Variants in GATAD1 observed in about 807,000 individuals in gnomAD.
The protein encoded by GATAD1 is GATA zinc finger domain containing 1.
Under a neutral mutation model 26.5 loss-of-function variants are expected in GATAD1, and 12 were observed. That is an observed-to-expected ratio of 0.45 (90% CI 0.29 to 0.73). The LOEUF (loss-of-function observed/expected upper bound fraction) is 0.73, where lower values mean the gene tolerates loss of function less well. Ranked by LOEUF, GATAD1 falls within the 30% of genes least tolerant of loss-of-function variation. The pLI, the probability that GATAD1 is intolerant of heterozygous loss-of-function variation, is 0.10. For missense variants in GATAD1, 266 were observed against 342.1 expected (o/e 0.78, Z 1.75); for synonymous variants, 129 against 133.1 (o/e 0.97, Z 0.21).
At position 92,447,962 on chromosome 7, in the gene GATAD1, G is replaced by T. The variant is rs1263649599; in HGVS notation, c.233G>T (p.Gly78Val). The T allele has an allele frequency of 2.5e-6, 3 of 1,223,754 alleles. No homozygotes were observed. In the African/African-American group the frequency reaches 4.7e-5, roughly 19 times the overall value. The allele number at this position is 1,223,754 out of a possible 1,614,324, so 75.8% of individuals were successfully genotyped here. The change falls in exon 1 of 5, where the codon GGC (glycine) becomes GTC (valine). Residue 78 changes from glycine to valine, a missense_variant. By Grantham distance (109) the Gly-to-Val change is moderately radical. Coordinates refer to ENST00000287957, the MANE Select transcript of GATAD1 (RefSeq NM_021167.5). ...TSATPPQSNG[G>V]GGGKQSKQEI... ...GCCACCCCTCCGCAGAGCAACGGGG[G>T]CGGGGGCGGCAAGCAGGTGAGCTCC...
chr7:92,449,551 T>C (rs147047510), intron 2 of GATAD1: 123 of 972,892 alleles, frequency 1.3e-4, no homozygotes, highest in Non-Finnish European at 1.5e-4. Context: ...CAGTATGATA[T>C]TCTTTTCTTT....
chr7:92,460,695 G>A (rs575541357), downstream of GATAD1, among the ~76,000 whole-genome samples: 4 of 151,038 alleles, frequency 2.6e-5, no homozygotes, highest in South Asian at 8.4e-4. Context: ...TTAAGAGGCT[G>A]AGGTGGAGGA....
the GATAD1 span, chr7:92,493,030 C>T: frequency 8.7e-6 from 14 of 1,612,962 alleles, no homozygotes; most frequent in African/African-American, 1.7e-4. Flanking sequence ...AGATCAGCTC[C>T]AGTAAAGGAG....
chr7:92,454,086 G>A (rs1789558258), intron 3 of GATAD1: 1 of 223,660 alleles, frequency 4.5e-6, no homozygotes, highest in Admixed American at 6.1e-5. Context: ...TCTAGTGGTG[G>A]GAGGGGTTAT....
rs183734072 is a variant in GATAD1 at position 92,457,458 on chromosome 7, C to T, written c.*896C>T. 2.0e-5 allele frequency: 3 copies of T among 151,944 alleles called. No individual in the cohort carries two copies. The highest frequency in any genetic ancestry group is 1.3e-4 in the Admixed American group (2 of 15,248). 9.4% of individuals were successfully genotyped at this position (151,944 alleles called of 1,614,324 possible). A position where few individuals can be genotyped will look rare whatever the true frequency, so the allele number is the denominator to read the frequency against. On this transcript the variant is annotated 3_prime_UTR_variant, in exon 5 of 5. Transcript: ENST00000287957. Reference sequence around the variant, plus strand: ...CAGCCTGGGTGGACAGAGCAAGACTCCGTCTCAAAGAAACAAACAAAAAAT... The same window carrying T: ...CAGCCTGGGTGGACAGAGCAAGACTTCGTCTCAAAGAAACAAACAAAAAAT...
chr7:92,460,938 C>A (rs1259297170), downstream of GATAD1, among the ~76,000 whole-genome samples: 2 of 152,142 alleles, frequency 1.3e-5, no homozygotes, highest in Non-Finnish European at 2.9e-5. Context: ...AGCACACACA[C>A]ACACACACGT....
chr7:92,458,209 TTAA>T lies in GATAD1; in HGVS notation c.*1651_*1653del, dbSNP rs1202079475. 1 of 152,246 alleles carries T rather than the reference TTAA, an allele frequency of 6.6e-6. No homozygotes were observed. The allele number at this position is 152,246 out of a possible 1,614,324, so 9.4% of individuals were successfully genotyped here. On this transcript the variant is annotated 3_prime_UTR_variant, in exon 5 of 5. Coordinates refer to ENST00000287957, the MANE Select transcript of GATAD1 (RefSeq NM_021167.5). ...GGCATTCAGAACCATTCCATTGATC[TTAA>T]TAAAGCTGCTCTTTACTGTTTCTAG...
the GATAD1 span, among the ~76,000 whole-genome samples, chr7:92,492,731 T>A: frequency 7.2e-5 from 11 of 152,220 alleles, no homozygotes; most frequent in Non-Finnish European, 1.5e-4. Flanking sequence ...TTTTTGCCAA[T>A]ATTAAGGTAA....
chr7:92,481,828 GA>G, the GATAD1 span, among the ~76,000 whole-genome samples: 1 of 152,208 alleles, frequency 6.6e-6, no homozygotes, highest in Non-Finnish European at 1.5e-5. Flanking sequence ...GGAGGGAAAG[GA>G]GTTGTTGTTT....
chr7:92,469,549 C>T, the GATAD1 span: 43 of 765,792 alleles, frequency 5.6e-5, no homozygotes, highest in Non-Finnish European at 7.4e-5. Flanking sequence ...ATTCAAACAA[C>T]GATAGGCTGA....
downstream of GATAD1, among the ~76,000 whole-genome samples, chr7:92,462,302 CAAA>C (rs954224110): frequency 6.8e-6 from 1 of 146,020 alleles, no homozygotes; most frequent in Non-Finnish European, 1.5e-5. Flanking sequence ...TTTAATAACG[CAAA>C]AAAAAGTTTA....
the GATAD1 span, among the ~76,000 whole-genome samples, chr7:92,488,002 A>G: frequency 6.6e-6 from 1 of 152,202 alleles, no homozygotes; most frequent in African/African-American, 2.4e-5. Flanking sequence ...TAGTGAAACA[A>G]TTAGATATGT....
Position 92,459,481 on chromosome 7 carries a change from T to C in GATAD1, c.*2919T>C, listed in dbSNP as rs1008713366. On this transcript the variant is annotated 3_prime_UTR_variant, in exon 5 of 5. Transcript: ENST00000287957. Reference sequence around the variant, plus strand: ...TCTCCTGCTGAGGCCGGACCTGATATGGCCCTGGTCTGTGTTCCCAGCCTT... The same window carrying C: ...TCTCCTGCTGAGGCCGGACCTGATACGGCCCTGGTCTGTGTTCCCAGCCTT... 7.1e-6 allele frequency: 1 copy of C among 139,898 alleles called. No homozygotes were observed. Among genetic ancestry groups the C allele is most frequent in the Non-Finnish European group, 1.6e-5 (1 of 62,512 alleles). The allele number at this position is 139,898 out of a possible 1,614,324, so 8.7% of individuals were successfully genotyped here.
At position 92,447,681 on chromosome 7, in the gene GATAD1, C is replaced by T; in HGVS notation, c.-49C>T. Reference sequence around the variant, plus strand: ...ACCAGGGGGCGGCCGGGCTACCGTCCGCCATTCCCGTGTCTCTGCGCCCGC... The same window carrying T: ...ACCAGGGGGCGGCCGGGCTACCGTCTGCCATTCCCGTGTCTCTGCGCCCGC... On this transcript the variant is annotated 5_prime_UTR_variant, in exon 1 of 5. Coordinates refer to ENST00000287957, the MANE Select transcript of GATAD1 (RefSeq NM_021167.5). The T allele has an allele frequency of 1.4e-6, 2 of 1,388,676 alleles. No homozygotes were observed. The highest frequency in any genetic ancestry group is 1.9e-6 in the Non-Finnish European group (2 of 1,070,386). 86.0% of individuals were successfully genotyped at this position (1,388,676 alleles called of 1,614,324 possible).
the GATAD1 span, chr7:92,477,997 T>C: frequency 3.9e-5 from 6 of 152,358 alleles, no homozygotes; most frequent in Non-Finnish European, 8.8e-5. Context: ...TCCCTCCTGC[T>C]GTGCTCTCAG....
chr7:92,467,214 G>A, the GATAD1 span, among the ~76,000 whole-genome samples: 1 of 152,248 alleles, frequency 6.6e-6, no homozygotes. Flanking sequence ...AGCTACCAGG[G>A]AGGTTGAGGC....
chr7:92,465,810 G>A, the GATAD1 span, among the ~76,000 whole-genome samples: 1 of 152,010 alleles, frequency 6.6e-6, no homozygotes, highest in Non-Finnish European at 1.5e-5. Flanking sequence ...AGACTAGCCT[G>A]GTCAACATGG....
chr7:92,458,763 A>C lies in GATAD1; in HGVS notation c.*2201A>C, dbSNP rs1419807788. On this transcript the variant is annotated 3_prime_UTR_variant, in exon 5 of 5. Transcript: ENST00000287957. ...TCTCTTTATTCACAAAGGGTATAGT[A>C]AAATTGATTGTAAATAACTTTCTAA... 6.6e-6 allele frequency: 1 copy of C among 152,248 alleles called. No homozygotes were observed. The highest frequency in any genetic ancestry group is 2.4e-5 in the African/African-American group (1 of 41,468). 9.4% of individuals were successfully genotyped at this position (152,248 alleles called of 1,614,324 possible). A position where few individuals can be genotyped will look rare whatever the true frequency, so the allele number is the denominator to read the frequency against.
chr7:92,479,186 G>GTGT, the GATAD1 span, among the ~76,000 whole-genome samples: 1 of 152,130 alleles, frequency 6.6e-6, no homozygotes, highest in African/African-American at 2.4e-5. Flanking sequence ...ATGTGTGTCC[G>GTGT]TGTTGTTGTC....
Sources: gnomAD v4.1 joint callset for allele counts (sites outside exome capture counted in the v4.1 genomes callset) on GRCh38, gnomAD v4.1.1 for gene constraint, MANE v1.5 for transcripts, NCBI Gene and HGNC (gene_info 2026-07-23, HGNC 2026-07-21) for gene names.